The following LRRTM4 variants were observed in gnomAD, a reference collection of about 807,000 sequenced individuals.
The protein encoded by LRRTM4 is leucine-rich repeat transmembrane neuronal protein 4.
A neutral mutation model predicts 47.6 loss-of-function variants in LRRTM4; 25 were observed. The ratio of observed to expected loss-of-function variants is 0.53; its 90% CI spans 0.38 to 0.73. The LOEUF (loss-of-function observed/expected upper bound fraction) is 0.73. Ranked by LOEUF, LRRTM4 falls within the 30% of genes least tolerant of loss-of-function variation. LRRTM4 has a pLI of 0.00. For missense variants in LRRTM4, 638 were observed against 713.4 expected, an observed-to-expected ratio of 0.89 and a Z score of 1.20; for synonymous variants, 311 against 269.5, an observed-to-expected ratio of 1.15 and a Z score of -1.51.
chr2:77,335,908 A>C (rs1186931560), intron 3 of LRRTM4, among the ~76,000 whole-genome samples: 1 of 152,146 alleles, frequency 6.6e-6, no homozygotes, highest in Non-Finnish European at 1.5e-5. Flanking sequence ...TACAGCCTCT[A>C]GCACAAGTCC....
chr2:77,431,594 C>A (rs2103906458), intron 3 of LRRTM4, among the ~76,000 whole-genome samples: 1 of 149,054 alleles, frequency 6.7e-6, no homozygotes, highest in South Asian at 2.1e-4. Flanking sequence ...AGTCTAAAGT[C>A]CAGAGTCTCA....
In LRRTM4 at chr2:76,791,474, G is replaced by C. The variant is rs1337546946; in HGVS notation, c.1552-42558C>G. On this transcript the variant is annotated intron_variant, in intron 3 of 3. Coordinates refer to ENST00000409884, the MANE Select transcript of LRRTM4 (RefSeq NM_001134745.3). The stretch of plus-strand genomic sequence containing the variant: ...GGAAAAAATCCAAGAACTTCACTTA[G>C]ATACTGAGAAACAACAAGGAAGACA... 2.0e-5 allele frequency among the ~76,000 whole-genome samples: 3 copies of C among 152,070 alleles called. No individual in the cohort carries two copies. The South Asian group carries it at 6.2e-4, about 31-fold the overall frequency.
intron 3 of LRRTM4, among the ~76,000 whole-genome samples, chr2:76,932,001 T>C (rs1674784912): frequency 2.6e-5 from 4 of 152,166 alleles, no homozygotes; most frequent in Admixed American, 2.6e-4. Context: ...ACAAGATATT[T>C]GGCTCCAGTT....
At chr2:77,304,086 G>T (rs190926642) in intron 3 of LRRTM4, among the ~76,000 whole-genome samples, 1 of 151,978 alleles carries the variant, frequency 6.6e-6, no homozygotes. Context: ...AGTGTGCAAG[G>T]GTTCCTTTTT....
chr2:76,790,232 A>G (rs947972762), intron 3 of LRRTM4, among the ~76,000 whole-genome samples: 1 of 152,154 alleles, frequency 6.6e-6, no homozygotes, highest in African/African-American at 2.4e-5. Flanking sequence ...CAAACTAATA[A>G]TGAGACAGTC....
intron 3 of LRRTM4, among the ~76,000 whole-genome samples, chr2:77,396,224 T>G (rs1673697389): frequency 6.6e-6 from 1 of 151,938 alleles, no homozygotes; most frequent in Non-Finnish European, 1.5e-5. Flanking sequence ...TGTATGTGTG[T>G]GTTTACACAT....
Position 77,103,662 on chromosome 2 carries a change from TAG to T in LRRTM4, c.1552-354748_1552-354747del, listed in dbSNP as rs1491190309. 1.4e-3 allele frequency among the ~76,000 whole-genome samples: 209 copies of T among 145,280 alleles called. 4 individuals are homozygous for T. Among genetic ancestry groups the T allele is most frequent in the African/African-American group, 4.4e-3 (170 of 38,470 alleles). ...ATACATGAGTGTATATATATATATA[TAG>T]ATATATATATCACATATATGTATAT... On this transcript the variant is annotated intron_variant, in intron 3 of 3. Transcript: ENST00000409884.
At chr2:77,272,446 TGAG>T (rs1386168416) in intron 3 of LRRTM4, among the ~76,000 whole-genome samples, 1 of 152,166 alleles carries the variant, frequency 6.6e-6, no homozygotes, top group Non-Finnish European at 1.5e-5. Flanking sequence ...TCATCATGCC[TGAG>T]AAGACATGGA....
At chr2:76,800,020 A>C (rs1288511248) in intron 3 of LRRTM4, among the ~76,000 whole-genome samples, 1 of 151,920 alleles carries the variant, frequency 6.6e-6, no homozygotes, top group African/African-American at 2.4e-5. Flanking sequence ...GAAAATGGTC[A>C]TACTGCCCAA....
chr2:77,087,923 T>A (rs1047584920), intron 3 of LRRTM4, among the ~76,000 whole-genome samples: 1 of 152,176 alleles, frequency 6.6e-6, no homozygotes, highest in South Asian at 2.1e-4. Flanking sequence ...TTGCCAAGGT[T>A]CCCTTTTTCC....
At chr2:77,265,758 A>T (rs72809140) in intron 3 of LRRTM4, among the ~76,000 whole-genome samples, 13,128 of 152,244 alleles carry the variant, frequency 0.086, 698 homozygotes, top group East Asian at 0.31. Flanking sequence ...GAGGAAGTAT[A>T]TAAAAGTTTT....
intron 3 of LRRTM4, among the ~76,000 whole-genome samples, chr2:77,091,319 T>A (rs1670631397): frequency 7.0e-6 from 1 of 143,794 alleles, no homozygotes; most frequent in Non-Finnish European, 1.5e-5. Flanking sequence ...CCCCTTACCA[T>A]CTCATTAAAA....
intron 3 of LRRTM4, among the ~76,000 whole-genome samples, chr2:76,948,738 G>T (rs1016641922): frequency 6.6e-6 from 1 of 151,752 alleles, no homozygotes; most frequent in African/African-American, 2.4e-5. Flanking sequence ...ATAATGATTT[G>T]CCACAAGTTA....
intron 3 of LRRTM4, among the ~76,000 whole-genome samples, chr2:76,845,229 G>A (rs993243989): frequency 4.6e-5 from 7 of 152,120 alleles, no homozygotes; most frequent in African/African-American, 1.7e-4. Context: ...GGTGGCTCAC[G>A]TCTGTAATTC....
chr2:76,906,876 A>G (rs1268752057), intron 3 of LRRTM4, among the ~76,000 whole-genome samples: 3 of 151,428 alleles, frequency 2.0e-5, no homozygotes, highest in Non-Finnish European at 4.4e-5. Context: ...AAAGAGACTT[A>G]GACTCCCACA....
At chr2:76,791,152 C>A (rs1373694802) in intron 3 of LRRTM4, among the ~76,000 whole-genome samples, 1 of 152,068 alleles carries the variant, frequency 6.6e-6, no homozygotes, top group African/African-American at 2.4e-5. Context: ...TAAGTGAAAA[C>A]TAAAGACAGA....
At chr2:77,366,311 C>G (rs569514014) in intron 3 of LRRTM4, among the ~76,000 whole-genome samples, 11 of 151,914 alleles carry the variant, frequency 7.2e-5, no homozygotes, top group African/African-American at 2.6e-4. Flanking sequence ...ACCTTGACTT[C>G]CAAGACACGT....
chr2:76,925,348 G>C (rs1163824603), intron 3 of LRRTM4, among the ~76,000 whole-genome samples: 5 of 152,106 alleles, frequency 3.3e-5, no homozygotes. Flanking sequence ...GCAACAACCT[G>C]AATGAGCCTG....
intron 3 of LRRTM4, among the ~76,000 whole-genome samples, chr2:77,091,296 G>A (rs989398877): frequency 2.0e-5 from 3 of 146,838 alleles, no homozygotes; most frequent in South Asian, 2.1e-4. Context: ...CCTCCTTGGC[G>A]ACCGATCATG....
Sources: gnomAD v4.1 joint callset for allele counts (sites outside exome capture counted in the v4.1 genomes callset) on GRCh38, gnomAD v4.1.1 for gene constraint, MANE v1.5 for transcripts, NCBI Gene and HGNC (gene_info 2026-07-23, HGNC 2026-07-21) for gene names.